ZNF273: variants seen among roughly 807,000 people sequenced by gnomAD.
ZNF273 encodes the protein zinc finger protein 273, also known as zinc finger protein 9.
ZNF273 carries 11 observed loss-of-function variants against 14.9 expected under a neutral mutation model. That is an observed-to-expected ratio of 0.74 (90% confidence interval 0.46 to 1.22). The LOEUF (loss-of-function observed/expected upper bound fraction) is 1.22. ZNF273 is among the 50% of genes most tolerant of loss of function. The probability of loss-of-function intolerance (pLI) is 0.00; values close to 1 mark genes in which losing one functional copy is unlikely to be tolerated. For missense variants in ZNF273, 577 were observed against 660.6 expected, an observed-to-expected ratio of 0.87 and a Z score of 1.39; for synonymous variants, 199 against 223.9, an observed-to-expected ratio of 0.89 and a Z score of 0.99.
At chr7:64,904,044 T>C (rs1792916943) in intron 1 of ZNF273, among the ~76,000 whole-genome samples, 1 of 152,216 alleles carries the variant, frequency 6.6e-6, no homozygotes, top group African/African-American at 2.4e-5. Context: ...AGCCTGAATT[T>C]TGTTTCCCTC....
chr7:64,914,941 T>TA (rs1793856265), intron 1 of ZNF273, among the ~76,000 whole-genome samples: 3 of 127,842 alleles, frequency 2.3e-5, no homozygotes, highest in Admixed American at 7.9e-5. Flanking sequence ...TTTTTTTTTT[T>TA]AGCTAAACAT....
downstream of ZNF273, among the ~76,000 whole-genome samples, chr7:64,932,614 T>A (rs1350633271): frequency 6.6e-6 from 1 of 152,082 alleles, no homozygotes; most frequent in Non-Finnish European, 1.5e-5. Flanking sequence ...AGAAATTAAA[T>A]TTTTAAGAGA....
chr7:64,922,340 T>TC (rs1584005973), intron 3 of ZNF273, among the ~76,000 whole-genome samples: 2 of 151,668 alleles, frequency 1.3e-5, no homozygotes, highest in East Asian at 3.9e-4. Flanking sequence ...GTTTTTTTTT[T>TC]CCCCCGGAGA....
At chr7:64,893,665 GTCCCCCTCCCCACCCCTCCCCTCCCCC>G (rs1164095891), downstream of ZNF273, 2 of 97,958 alleles carry the variant, frequency 2.0e-5, no homozygotes, top group Non-Finnish European at 4.0e-5. Context: ...CCTCCCTCCC[GTCCCCCTCCCCACCCCTCCCCTCCCCC>G]TCCCCTCCCC....
intron 3 of ZNF273, among the ~76,000 whole-genome samples, chr7:64,920,368 A>G (rs918399855): frequency 1.3e-5 from 2 of 152,140 alleles, no homozygotes; most frequent in Non-Finnish European, 2.9e-5. Flanking sequence ...GGATTTTCCC[A>G]GGTCACTGTG....
At chr7:64,917,842 G>C (rs893419352) in intron 2 of ZNF273, 135 bp downstream of exon 2, 1 of 1,001,658 alleles carries the variant, frequency 1.0e-6, no homozygotes, top group East Asian at 3.5e-5. Flanking sequence ...TGTTCATTTA[G>C]AAATGAATTT....
chr7:64,884,804 C>T (rs996836325), intron 1 of ZNF273, among the ~76,000 whole-genome samples: 8 of 152,354 alleles, frequency 5.3e-5, no homozygotes, highest in South Asian at 2.1e-4. Context: ...ATTCTCGAAT[C>T]GCCTTTTCCT....
chr7:64,918,688 A>AAAAG (rs1562961926), intron 3 of ZNF273, among the ~76,000 whole-genome samples: 2 of 136,220 alleles, frequency 1.5e-5, no homozygotes, highest in Non-Finnish European at 3.1e-5. Context: ...AAAAAAAAAA[A>AAAAG]TGTGATTTGG....
At chr7:64,920,228 G>A (rs1439065771) in intron 3 of ZNF273, among the ~76,000 whole-genome samples, 5 of 152,062 alleles carry the variant, frequency 3.3e-5, no homozygotes, top group African/African-American at 1.2e-4. Context: ...TTATATTTTT[G>A]GACAGACTGA....
At chr7:64,920,823 G>T (rs1043630556) in intron 3 of ZNF273, among the ~76,000 whole-genome samples, 1 of 147,448 alleles carries the variant, frequency 6.8e-6, no homozygotes, top group Non-Finnish European at 1.5e-5. Context: ...AAATTCCTCC[G>T]TGAGGCGATT....
At chr7:64,900,572 G>C (rs575027140), upstream of ZNF273, among the ~76,000 whole-genome samples, 106 of 152,258 alleles carry the variant, frequency 7.0e-4, 1 homozygote, top group Admixed American at 2.4e-3. Flanking sequence ...CAACATGGAG[G>C]CTCCATCCTC....
chr7:64,894,938 G>T (rs961796161), intron 3 of ZNF273, among the ~76,000 whole-genome samples: 3 of 151,062 alleles, frequency 2.0e-5, no homozygotes, highest in African/African-American at 7.3e-5. Flanking sequence ...GACCAGCCTG[G>T]CCAACATAGT....
In ZNF273 at chr7:64,928,950, C is replaced by T; in HGVS notation, c.1622C>T (p.Pro541Leu). 1 of 1,611,136 alleles carries T rather than the reference C, an allele frequency of 6.2e-7. No homozygotes were observed. Among genetic ancestry groups the T allele is most frequent in the Non-Finnish European group, 8.5e-7 (1 of 1,178,848 alleles). Residue 541 changes from proline (P) to leucine (L), a missense_variant, in exon 4 of 4, where the codon CCA becomes CTA. This residue lies in a region of ZNF273 where 411 missense variants were observed against 440.4 expected (regional missense o/e 0.93). Transcript: ENST00000476120. ...AAGAAAATTCATACTGGAGAGAAAC[C>T]ATACAAACCTAAAAGATGTGACAGT... ...RHKKIHTGEK[P>L]YKPKRCDSAF...
chr7:64,880,979 G>T (rs980665955), downstream of ZNF273, among the ~76,000 whole-genome samples: 15 of 149,566 alleles, frequency 1.0e-4, no homozygotes, highest in Non-Finnish European at 2.1e-4. Context: ...TAGGTCAGAT[G>T]GGGTGAGGAT....
At chr7:64,932,236 A>ATAT (rs551486921), downstream of ZNF273, among the ~76,000 whole-genome samples, 10 of 141,568 alleles carry the variant, frequency 7.1e-5, no homozygotes, top group Middle Eastern at 4.0e-3. Context: ...AAAAAAAAAA[A>ATAT]AAATATCTTA....
downstream of ZNF273, chr7:64,890,211 T>TGAGAGA (rs1385851498): frequency 3.9e-5 from 1 of 25,942 alleles, no homozygotes; most frequent in African/African-American, 8.2e-5. Context: ...TGTGTGTGTG[T>TGAGAGA]GTGTGTGTGT....
chr7:64,907,206 CTG>C lies in ZNF273; in HGVS notation c.102+3791_102+3792del, dbSNP rs1265252469. Among the ~76,000 whole-genome samples the C allele has an allele frequency of 3.9e-5, 6 of 152,158 alleles. No individual in the cohort carries two copies. The South Asian group carries it at 1.0e-3, about 26-fold the overall frequency. Reference sequence around the variant, plus strand: ...TTAATGAGAAAAGGAAATGTGGAGTCTGTGTTTGGTTATGTGATAGGTAAGAA... The same window carrying C: ...TTAATGAGAAAAGGAAATGTGGAGTCTGTTTGGTTATGTGATAGGTAAGAA... On this transcript the variant is annotated intron_variant, in intron 1 of 3. Transcript: ENST00000476120.
At chr7:64,933,940 C>T (rs1218299811), downstream of ZNF273, among the ~76,000 whole-genome samples, 2 of 152,144 alleles carry the variant, frequency 1.3e-5, no homozygotes, top group East Asian at 1.9e-4. Flanking sequence ...TTAGCATATA[C>T]AAATACATTA....
chr7:64,919,855 T>C (rs1794300752), intron 3 of ZNF273, among the ~76,000 whole-genome samples: 1 of 152,160 alleles, frequency 6.6e-6, no homozygotes, highest in Non-Finnish European at 1.5e-5. Context: ...GATCATGTGA[T>C]CTACAACAGC....
Sources: gnomAD v4.1 joint callset for allele counts (sites outside exome capture counted in the v4.1 genomes callset) on GRCh38, gnomAD v4.1.1 for gene constraint, gnomAD v4.1.1 regional missense constraint, MANE v1.5 for transcripts, NCBI Gene and HGNC (gene_info 2026-07-23, HGNC 2026-07-21) for gene names.